The following PTPRD variants were observed in gnomAD, a reference collection of about 807,000 sequenced individuals.
PTPRD encodes receptor-type tyrosine-protein phosphatase delta.
Under a neutral mutation model 214.5 loss-of-function variants are expected in PTPRD, and 34 were observed. That is an observed-to-expected ratio of 0.16 (90% CI 0.12 to 0.21). PTPRD has a LOEUF of 0.21. PTPRD is among the 10% of genes least tolerant of loss of function. PTPRD has a pLI of 1.00. For synonymous variants in PTPRD, 1,128 were observed against 845.7 expected (o/e 1.33, Z -5.79); for missense variants, 2,545 against 2,398.7 (o/e 1.06, Z -1.27).
intron 5 of PTPRD, among the ~76,000 whole-genome samples, chr9:9,855,291 G>C (rs1180394947): frequency 6.6e-6 from 1 of 152,146 alleles, no homozygotes; most frequent in African/African-American, 2.4e-5. Flanking sequence ...TTTATACAAA[G>C]CTTTGAAGTA....
rs546544864 is a variant in PTPRD at position 9,208,514 on chromosome 9, G to A, written c.-202-25151C>T. Among the ~76,000 whole-genome samples the A allele has an allele frequency of 5.0e-3, 758 of 152,078 alleles. 5 individuals are homozygous for A. Among genetic ancestry groups the A allele is most frequent in the Non-Finnish European group, 8.2e-3 (557 of 67,998 alleles). On this transcript the variant is annotated intron_variant, in intron 9 of 45. Coordinates refer to ENST00000381196, the MANE Select transcript of PTPRD (RefSeq NM_002839.4). ...CCTTTATTTGGTATTTTGCTTTGTA[G>A]AGTTTACTTTGTGACTATGTTAATA... is the stretch of plus-strand genomic sequence containing the variant.
chr9:10,421,152 C>T (rs112883667), intron 2 of PTPRD, among the ~76,000 whole-genome samples: 2,186 of 151,730 alleles, frequency 0.014, 40 homozygotes, highest in African/African-American at 0.043. Context: ...AAGCCATCCA[C>T]GGGATGCAGG....
rs1490312575 is a variant in PTPRD, at chr9:9,559,231, T to C, written c.-237+15501A>G. Among the ~76,000 whole-genome samples, 4 of 151,916 alleles carry C rather than the reference T, an allele frequency of 2.6e-5. No individual in the cohort carries two copies. In the South Asian group the frequency reaches 8.3e-4, roughly 32 times the overall value. ...GGGTAAGTTGTCTACAGGATGACTG[T>C]AGACTGTCCTACCACACTCTGAGCA... On this transcript the variant is annotated intron_variant, in intron 8 of 45. Coordinates refer to ENST00000381196, the MANE Select transcript of PTPRD (RefSeq NM_002839.4).
At chr9:8,687,754 T>C (rs1597029265) in intron 12 of PTPRD, among the ~76,000 whole-genome samples, 3 of 151,784 alleles carry the variant, frequency 2.0e-5, no homozygotes, top group Non-Finnish European at 2.9e-5. Context: ...TTTTTTTTTT[T>C]CTCAACTAGT....
chr9:9,802,012 G>C lies in PTPRD; in HGVS notation c.-367-35161C>G, dbSNP rs1053277628. The stretch of plus-strand genomic sequence containing the variant: ...GATATATGGCAAGTTGGTGAGTATT[G>C]AGAAAAAAATAGTCTGTTTCATCTT... On this transcript the variant is annotated intron_variant, in intron 5 of 45. Transcript: ENST00000381196. 8.6e-5 allele frequency among the ~76,000 whole-genome samples: 13 copies of C among 151,964 alleles called. 1 individual carries two copies. The highest frequency in any genetic ancestry group is 1.8e-4 in the Non-Finnish European group (12 of 67,904).
At chr9:9,440,258 T>A (rs1019608113) in intron 8 of PTPRD, among the ~76,000 whole-genome samples, 1 of 152,224 alleles carries the variant, frequency 6.6e-6, no homozygotes, top group Non-Finnish European at 1.5e-5. Context: ...TTTATCAAAT[T>A]TGTGTACGCA....
chr9:8,660,994 T>G (rs1046650555), intron 12 of PTPRD, among the ~76,000 whole-genome samples: 6 of 152,188 alleles, frequency 3.9e-5, no homozygotes, highest in Non-Finnish European at 7.4e-5. Context: ...TTGCACTCAC[T>G]CTGGCTATGA....
At chr9:8,845,198 A>AC (rs2097665371) in intron 11 of PTPRD, among the ~76,000 whole-genome samples, 1 of 151,916 alleles carries the variant, frequency 6.6e-6, no homozygotes, top group Non-Finnish European at 1.5e-5. Context: ...AAAAACACAC[A>AC]ATTCTGTGTT....
intron 11 of PTPRD, among the ~76,000 whole-genome samples, chr9:8,969,089 C>T (rs1365544888): frequency 6.6e-6 from 1 of 152,060 alleles, no homozygotes; most frequent in East Asian, 1.9e-4. Context: ...AACCACTCCT[C>T]CTCCTCATCC....
At chr9:10,510,832 C>T (rs2047763315) in intron 2 of PTPRD, among the ~76,000 whole-genome samples, 1 of 152,042 alleles carries the variant, frequency 6.6e-6, no homozygotes, top group Non-Finnish European at 1.5e-5. Flanking sequence ...TACCTATTAA[C>T]CAACCCTTCT....
chr9:8,893,496 A>G (rs1193760621), intron 11 of PTPRD, among the ~76,000 whole-genome samples: 1 of 152,196 alleles, frequency 6.6e-6, no homozygotes, highest in Non-Finnish European at 1.5e-5. Context: ...TCACTCTCAG[A>G]AAATTGACAA....
intron 6 of PTPRD, among the ~76,000 whole-genome samples, chr9:9,737,399 G>C (rs1266946993): frequency 6.6e-6 from 1 of 151,996 alleles, no homozygotes; most frequent in East Asian, 1.9e-4. Context: ...TTCTACAATT[G>C]TTTTTTCAGT....
chr9:9,772,769 A>T (rs779758265), intron 5 of PTPRD, among the ~76,000 whole-genome samples: 64 of 149,216 alleles, frequency 4.3e-4, no homozygotes, highest in Non-Finnish European at 7.2e-4. Flanking sequence ...TGCCATCTTC[A>T]CTCATTGCTG....
chr9:8,521,910 T>C (rs1185460821), intron 19 of PTPRD, among the ~76,000 whole-genome samples: 1 of 152,186 alleles, frequency 6.6e-6, no homozygotes, highest in Non-Finnish European at 1.5e-5. Context: ...CAGGCATGTA[T>C]ATGCAGAAAA....
intron 11 of PTPRD, among the ~76,000 whole-genome samples, chr9:8,931,669 C>A (rs2098953562): frequency 6.6e-6 from 1 of 152,070 alleles, no homozygotes; most frequent in Non-Finnish European, 1.5e-5. Context: ...CACGATGATG[C>A]ATGTCTCATG....
chr9:10,096,715 T>C (rs897906307), intron 3 of PTPRD, among the ~76,000 whole-genome samples: 2 of 152,092 alleles, frequency 1.3e-5, no homozygotes, highest in Non-Finnish European at 2.9e-5. Context: ...TGGTAGTTTC[T>C]TTTGCTGTGC....
chr9:8,715,889 T>C lies in PTPRD; in HGVS notation c.64+17891A>G, dbSNP rs531406779. Among the ~76,000 whole-genome samples the C allele has an allele frequency of 4.6e-5, 7 of 152,336 alleles. No homozygotes were observed. In the South Asian group the frequency reaches 8.3e-4, roughly 18 times the overall value. On this transcript the variant is annotated intron_variant, in intron 12 of 45. Transcript: ENST00000381196. ...AATTCAAAAGTCATTTTCACAGAAA[T>C]AGTACACAGACATTACAGTATGAGT...
At chr9:10,456,015 A>G (rs1226374066) in intron 2 of PTPRD, among the ~76,000 whole-genome samples, 1 of 151,776 alleles carries the variant, frequency 6.6e-6, no homozygotes, top group Non-Finnish European at 1.5e-5. Flanking sequence ...AAGCCAACCC[A>G]AAATTGTTTA....
intron 8 of PTPRD, among the ~76,000 whole-genome samples, chr9:9,476,109 G>T (rs2095019662): frequency 6.6e-6 from 1 of 152,252 alleles, no homozygotes; most frequent in South Asian, 2.1e-4. Flanking sequence ...TCATCTTTTG[G>T]TGAGAAAACA....
Sources: allele counts gnomAD v4.1 joint callset (sites outside exome capture counted in the v4.1 genomes callset), GRCh38; gene constraint gnomAD v4.1.1; transcripts MANE v1.5; gene names NCBI Gene and HGNC (gene_info 2026-07-23, HGNC 2026-07-21).